HCCS: variants seen among roughly 807,000 people sequenced by gnomAD.
HCCS encodes holocytochrome c-type synthase.
HCCS carries 2 observed loss-of-function variants against 24.2 expected under a neutral mutation model. The ratio of observed to expected loss-of-function variants is 0.08; its 90% CI spans 0.03 to 0.26. The LOEUF (loss-of-function observed/expected upper bound fraction) is 0.26. Ranked by LOEUF, HCCS falls within the 10% of genes least tolerant of loss-of-function variation. The pLI is 1.00. For synonymous variants in HCCS, 73 were observed against 76.2 expected (o/e 0.96, Z 0.22); for missense variants, 150 against 213.3 (o/e 0.70, Z 1.85).
At chrX:11,120,802 A>C (rs1287164822) in intron 5 of HCCS, 105 bp from the exon 6 acceptor site, 2 of 633,121 alleles carry the variant, frequency 3.2e-6, no homozygotes, top group Non-Finnish European at 5.4e-6. Context: ...ATATTATGTG[A>C]AATGTATACA....
chrX:11,123,014 C>T lies in HCCS; in HGVS notation c.*1204C>T, dbSNP rs1334088416. ...TTTGTGTGGAGTTTAAGAAATAGAACAGCCTTAAACTCTACATTTCAAAAT... is the reference window on the plus strand; with the variant it reads ...TTTGTGTGGAGTTTAAGAAATAGAATAGCCTTAAACTCTACATTTCAAAAT... On this transcript the variant is annotated 3_prime_UTR_variant, in exon 7 of 7. Transcript: ENST00000380762. 1.8e-5 allele frequency: 2 copies of T among 111,463 alleles called. No homozygotes were observed. Among genetic ancestry groups the T allele is most frequent in the Non-Finnish European group, 3.8e-5 (2 of 53,157 alleles). 9.2% of individuals were successfully genotyped at this position (111,463 alleles called of 1,213,427 possible).
chrX:11,115,980 G>T (rs1049804833), intron 3 of HCCS: 1 of 111,877 alleles, frequency 8.9e-6, no homozygotes, highest in Non-Finnish European at 1.9e-5. Context: ...TCAGAACATG[G>T]GCCTTTTGGA....
rs753440020 is a variant in HCCS at position 11,112,107 on chromosome X, A to G, written c.47A>G (p.Asn16Ser). 5 of 1,208,338 alleles carry G rather than the reference A, an allele frequency of 4.1e-6. No homozygotes were observed. Among genetic ancestry groups the G allele is most frequent in the Non-Finnish European group, 3.4e-6 (3 of 893,241 alleles). Residue 16 changes from asparagine (N) to serine (S), a missense_variant, in exon 2 of 7, where the codon AAT (asparagine) becomes AGT (serine). Asn to Ser is a conservative substitution (Grantham distance 46, BLOSUM62 1). Transcript: ENST00000380762. ...CCTGCTGTTGCAGTTCAGGCCTCAA[A>G]TGCTTCAGCGTCCCCACCTTCAGGA... ...SAPAVAVQAS[N>S]ASASPPSGCP... is the part of the protein sequence containing the mutation.
intron 3 of HCCS, among the ~76,000 whole-genome samples, chrX:11,115,357 C>T (rs987958389): frequency 2.7e-5 from 3 of 111,983 alleles, no homozygotes; most frequent in Non-Finnish European, 5.6e-5. Context: ...GATTGGGGAA[C>T]TTCTTCAGGT....
At chrX:11,111,658 G>T (rs1022857099) in intron 1 of HCCS, 140 bp downstream of exon 1, 2 of 194,783 alleles carry the variant, frequency 1.0e-5, no homozygotes, top group African/African-American at 6.0e-5. Flanking sequence ...TGGGGATGGG[G>T]GTCAAGTCTA....
intron 3 of HCCS, 67 bp downstream of exon 3, chrX:11,115,053 C>A: frequency 1.1e-6 from 1 of 938,654 alleles, no homozygotes. Flanking sequence ...ACTCCCAAGA[C>A]AAGTTGCAAA....
chrX:11,115,919 C>G (rs922788204), intron 3 of HCCS, among the ~76,000 whole-genome samples: 2 of 111,753 alleles, frequency 1.8e-5, no homozygotes, highest in African/African-American at 6.5e-5. Flanking sequence ...CAGCATTATC[C>G]GAAGCCCCTG....
Position 11,112,064 on chromosome X carries a change from G to A in HCCS, c.4G>A (p.Gly2Ser). The A allele has an allele frequency of 1.7e-6, 2 of 1,202,538 alleles. No individual in the cohort carries two copies. Among genetic ancestry groups the A allele is most frequent in the Non-Finnish European group, 2.3e-6 (2 of 886,821 alleles). Reference protein sequence around the residue: MGLSPSAPAVAV... With the variant: MSLSPSAPAVAV... ...ACAGTCAACACTGTTTCCAGCCATG[G>A]GTTTGTCTCCATCTGCTCCTGCTGT... Residue 2 changes from glycine to serine, a missense_variant, in exon 2 of 7, where the codon GGT becomes AGT. Around this residue, in one of 2 missense-constraint regions of HCCS, gnomAD observed 95 missense variants for 79.1 expected, o/e 1.20. Transcript: ENST00000380762.
intron 2 of HCCS, among the ~76,000 whole-genome samples, chrX:11,113,688 G>A (rs1189287379): frequency 2.7e-5 from 3 of 112,228 alleles, no homozygotes; most frequent in Non-Finnish European, 5.6e-5. Flanking sequence ...TAAAGAATGT[G>A]GGTGTCTATA....
Position 11,120,898 on chromosome X carries a change from G to A in HCCS, c.522-9G>A. ...TTTTAACAGACTTTTCTTATTTGGG[G>A]AATTCTAGAGAGTGTCCTTGTGGTC... is the stretch of plus-strand genomic sequence containing the variant. On this transcript the variant is annotated splice_polypyrimidine_tract_variant and intron_variant, in intron 5 of 6. Transcript: ENST00000380762. 1.7e-6 allele frequency: 2 copies of A among 1,178,527 alleles called. No homozygotes were observed. The highest frequency in any genetic ancestry group is 3.6e-5 in the South Asian group (2 of 56,191).
chrX:11,111,949 T>C lies in HCCS; in HGVS notation c.-42-70T>C. On this transcript the variant is annotated intron_variant, in intron 1 of 6. Transcript: ENST00000380762. ...GATGACAAAGAGGAGGAACAAGGGT[T>C]GACCAGATTAGGACTAACGAGAGAA... 3 of 598,155 alleles carry C rather than the reference T, an allele frequency of 5.0e-6. No individual in the cohort carries two copies. In the Admixed American group the frequency reaches 7.2e-5, roughly 14 times the overall value. The allele number at this position is 598,155 out of a possible 1,213,427, so 49.3% of individuals were successfully genotyped here. A position where few individuals can be genotyped will look rare whatever the true frequency, so the allele number is the denominator to read the frequency against.
At chrX:11,120,212 C>T (rs1008534071) in intron 5 of HCCS, among the ~76,000 whole-genome samples, 14 of 111,729 alleles carry the variant, frequency 1.3e-4, no homozygotes, top group African/African-American at 3.9e-4. Flanking sequence ...GTCTCGGTAA[C>T]AGCTGTCTGT....
intron 4 of HCCS, among the ~76,000 whole-genome samples, chrX:11,118,076 T>C (rs2045462187): frequency 8.9e-6 from 1 of 112,266 alleles, no homozygotes; most frequent in Non-Finnish European, 1.9e-5. Context: ...CATAGTCAGG[T>C]TGACACATAA....
chrX:11,120,787 A>G (rs2147253519), intron 5 of HCCS, 120 bp from the exon 6 acceptor site: 1 of 590,215 alleles, frequency 1.7e-6, no homozygotes, highest in East Asian at 3.3e-5. Context: ...TTCTCTGTAA[A>G]TGTTATATTA....
rs191165757 is a variant in HCCS at position 11,114,924 on chromosome X, G to A, written c.190G>A (p.Val64Met). 174 of 1,203,677 alleles carry A rather than the reference G, an allele frequency of 1.4e-4. No individual in the cohort carries two copies. In the South Asian group the frequency reaches 2.2e-3, roughly 15 times the overall value. Residue 64 changes from valine to methionine, a missense_variant, in exon 3 of 7, where the codon GTG becomes ATG. Coordinates refer to ENST00000380762, the MANE Select transcript of HCCS (RefSeq NM_005333.5). ...PAHQERAYEY[V>M]ECPIRGTAAE... is the part of the protein sequence containing the mutation. The stretch of plus-strand genomic sequence containing the variant: ...CCACCAGGAACGCGCCTATGAGTAC[G>A]TGGAGTGTCCCATTAGGGGCACTGC...
At position 11,121,534 on chromosome X, in the gene HCCS, T is replaced by C. The variant is rs1306923806; in HGVS notation, c.609-78T>C. ...GGGAGCAGGTGTTTGCATGTGCTTC[T>C]TGAGTTTTCTCATGGCTTAAACCGG... is the stretch of plus-strand genomic sequence containing the variant. On this transcript the variant is annotated intron_variant, in intron 6 of 6. Transcript: ENST00000380762. 3.5e-6 allele frequency: 3 copies of C among 868,447 alleles called. No homozygotes were observed. The African/African-American group carries it at 5.9e-5, about 17-fold the overall frequency. The allele number at this position is 868,447 out of a possible 1,213,427, so 71.6% of individuals were successfully genotyped here. A position where few individuals can be genotyped will look rare whatever the true frequency, so the allele number is the denominator to read the frequency against.
At chrX:11,117,526 T>G in intron 4 of HCCS, 111 bp downstream of exon 4, 3 of 666,095 alleles carry the variant, frequency 4.5e-6, no homozygotes, top group Non-Finnish European at 7.1e-6. Flanking sequence ...TATGTATTAA[T>G]CAGTTTATAA....
At position 11,111,427 on chromosome X, in the gene HCCS, C is replaced by T; in HGVS notation, c.-134C>T. On this transcript the variant is annotated 5_prime_UTR_variant, in exon 1 of 7. Transcript: ENST00000380762. The stretch of plus-strand genomic sequence containing the variant: ...TTCGGGTTGGCGACTGAAGGCGGTA[C>T]CGGCCTCCCGGAACAGCCCGGGGGA... The T allele has an allele frequency of 6.5e-6, 1 of 154,862 alleles. No homozygotes were observed. Among genetic ancestry groups the T allele is most frequent in the Non-Finnish European group, 1.2e-5 (1 of 81,207 alleles). The allele number at this position is 154,862 out of a possible 1,213,427, so 12.8% of individuals were successfully genotyped here.
At chrX:11,119,962 TC>T in intron 5 of HCCS, 1 of 321,233 alleles carries the variant, frequency 3.1e-6, no homozygotes, top group African/African-American at 2.6e-5. Flanking sequence ...TGCTATGATC[TC>T]CAGAAGAAAG....
Sources: gnomAD v4.1 joint callset for allele counts (sites outside exome capture counted in the v4.1 genomes callset) on GRCh38, gnomAD v4.1.1 for gene constraint, gnomAD v4.1.1 regional missense constraint, MANE v1.5 for transcripts, NCBI Gene and HGNC (gene_info 2026-07-23, HGNC 2026-07-21) for gene names.